The following LRRC28 variants were observed in gnomAD, a reference collection of about 807,000 sequenced individuals.
LRRC28 encodes the protein leucine rich repeat containing 28, also known as leucine-rich repeat-containing protein 28.
Under a neutral mutation model 45.7 loss-of-function variants are expected in LRRC28, and 39 were observed. The observed-to-expected ratio is 0.85, with a 90% CI of 0.66 to 1.12. The LOEUF (loss-of-function observed/expected upper bound fraction) is 1.12. Ranked by LOEUF, LRRC28 falls within the 50% of genes most tolerant of loss-of-function variation. LRRC28 has a pLI of 0.00. For synonymous variants in LRRC28, 206 were observed against 178.8 expected (o/e 1.15, Z -1.22); for missense variants, 435 against 438.5 (o/e 0.99, Z 0.07).
chr15:99,293,568 G>A (rs1189613604), intron 5 of LRRC28, among the ~76,000 whole-genome samples: 1 of 86,884 alleles, frequency 1.2e-5, no homozygotes, highest in Admixed American at 1.8e-4. Flanking sequence ...ATTCCGGCCT[G>A]GGCAACAAGA....
chr15:99,341,692 T>G (rs1236830535), intron 6 of LRRC28, among the ~76,000 whole-genome samples: 1 of 152,216 alleles, frequency 6.6e-6, no homozygotes, highest in Non-Finnish European at 1.5e-5. Flanking sequence ...AAAAGAAATG[T>G]TCATTCTTAG....
At chr15:99,354,838 G>A (rs572557418) in intron 7 of LRRC28, among the ~76,000 whole-genome samples, 1 of 152,268 alleles carries the variant, frequency 6.6e-6, no homozygotes, top group South Asian at 2.1e-4. Context: ...TGTAGGCTTG[G>A]GATATAAGAA....
intron 2 of LRRC28, chr15:99,258,881 C>T (rs1244966974): frequency 8.5e-6 from 6 of 708,818 alleles, no homozygotes; most frequent in Non-Finnish European, 2.7e-6. Context: ...AGATGACTTC[C>T]GTGATACGAT....
At chr15:99,269,906 A>G (rs540597537) in intron 2 of LRRC28, among the ~76,000 whole-genome samples, 1 of 152,316 alleles carries the variant, frequency 6.6e-6, no homozygotes, top group African/African-American at 2.4e-5. Flanking sequence ...AATGGTAACT[A>G]GGACCCTGAA....
Position 99,387,430 on chromosome 15 carries a change from C to G in LRRC28, c.*1328C>G, listed in dbSNP as rs1283869006. On this transcript the variant is annotated 3_prime_UTR_variant, in exon 10 of 10. Transcript: ENST00000301981. ...ATTTACTTCGTCACCTGGTGCACCA[C>G]ACTGTCTTCATGTTGGCCCTCGTTT... 1 of 152,232 alleles carries G rather than the reference C, an allele frequency of 6.6e-6. No individual in the cohort carries two copies. Among genetic ancestry groups the G allele is most frequent in the East Asian group, 1.9e-4 (1 of 5,194 alleles). 9.4% of individuals were successfully genotyped at this position (152,232 alleles called of 1,614,324 possible).
intron 1 of LRRC28, among the ~76,000 whole-genome samples, chr15:99,254,226 C>G (rs752412400): frequency 6.6e-6 from 1 of 152,156 alleles, no homozygotes; most frequent in Non-Finnish European, 1.5e-5. Context: ...TAATATATCT[C>G]ATAAAATAGG....
At chr15:99,351,023 C>G (rs1422088959) in intron 6 of LRRC28, among the ~76,000 whole-genome samples, 3 of 152,164 alleles carry the variant, frequency 2.0e-5, no homozygotes, top group African/African-American at 7.2e-5. Context: ...TGGTCTTGAA[C>G]TCGTGGGCTC....
chr15:99,378,641 G>C (rs528284027), intron 9 of LRRC28, among the ~76,000 whole-genome samples: 2,991 of 152,228 alleles, frequency 0.02, 96 homozygotes, highest in African/African-American at 0.068. Flanking sequence ...AATGCTTCCA[G>C]TTTTTGCCCA....
intron 5 of LRRC28, among the ~76,000 whole-genome samples, chr15:99,289,527 A>G (rs750894684): frequency 2.0e-5 from 3 of 152,254 alleles, no homozygotes; most frequent in East Asian, 1.9e-4. Context: ...GAAAAAATCT[A>G]TGGTATTTCT....
chr15:99,269,668 G>C (rs147442041), intron 2 of LRRC28, among the ~76,000 whole-genome samples: 4 of 152,154 alleles, frequency 2.6e-5, no homozygotes, highest in Non-Finnish European at 4.4e-5. Flanking sequence ...CTCCCAAAGT[G>C]TTAGGATTAC....
Position 99,274,606 on chromosome 15 carries a change from GAC to G in LRRC28, c.169-1966_169-1965del, listed in dbSNP as rs571588514. The stretch of plus-strand genomic sequence containing the variant: ...AATTTTAATTTTTTCAATTATAAAA[GAC>G]ACATGCTTATTTTTAAAAATTCAAG... On this transcript the variant is annotated intron_variant, in intron 2 of 9. Transcript: ENST00000301981. 1.9e-3 allele frequency among the ~76,000 whole-genome samples: 289 copies of G among 152,214 alleles called. 2 individuals carry two copies. Among genetic ancestry groups the G allele is most frequent in the African/African-American group, 6.0e-3 (249 of 41,522 alleles).
At chr15:99,342,488 A>G (rs1403671603) in intron 6 of LRRC28, among the ~76,000 whole-genome samples, 1 of 152,250 alleles carries the variant, frequency 6.6e-6, no homozygotes, top group African/African-American at 2.4e-5. Flanking sequence ...ATTAGCACCT[A>G]CTTCATAGCA....
chr15:99,385,273 G>A (rs1957948396), intron 9 of LRRC28, among the ~76,000 whole-genome samples: 1 of 152,224 alleles, frequency 6.6e-6, no homozygotes, highest in Non-Finnish European at 1.5e-5. Context: ...GTCTACAGAG[G>A]TCCCCTTCCT....
At chr15:99,325,759 C>T (rs1240456803) in intron 5 of LRRC28, among the ~76,000 whole-genome samples, 1 of 152,086 alleles carries the variant, frequency 6.6e-6, no homozygotes, top group Non-Finnish European at 1.5e-5. Flanking sequence ...GCATCAGACC[C>T]ACTTGTGGGG....
intron 9 of LRRC28, among the ~76,000 whole-genome samples, chr15:99,382,110 C>T (rs1182435028): frequency 1.3e-5 from 2 of 152,244 alleles, no homozygotes; most frequent in East Asian, 1.9e-4. Context: ...TTTTGTTTGG[C>T]TATGCCCTGC....
intron 1 of LRRC28, chr15:99,251,929 T>C (rs1212955565): frequency 6.6e-6 from 1 of 152,256 alleles, no homozygotes; most frequent in Admixed American, 6.5e-5. Context: ...TATAGTTCTC[T>C]AATCTCCAGC....
intron 2 of LRRC28, among the ~76,000 whole-genome samples, chr15:99,266,887 TAAAC>T (rs1746396948): frequency 1.3e-5 from 2 of 152,082 alleles, no homozygotes; most frequent in African/African-American, 4.8e-5. Flanking sequence ...TATAGACAAA[TAAAC>T]TAAGTCATAA....
intron 8 of LRRC28, 73 bp from the exon 9 acceptor site, chr15:99,363,033 A>G: frequency 6.7e-7 from 1 of 1,483,828 alleles, no homozygotes; most frequent in South Asian, 1.3e-5. Flanking sequence ...TTTGGTAACA[A>G]ATATTTTAAG....
chr15:99,253,003 C>T (rs2080894988), intron 1 of LRRC28, among the ~76,000 whole-genome samples: 1 of 151,984 alleles, frequency 6.6e-6, no homozygotes, highest in African/African-American at 2.4e-5. Flanking sequence ...GCTTTATTGA[C>T]AATAGACAGA....
Sources: allele counts gnomAD v4.1 joint callset (sites outside exome capture counted in the v4.1 genomes callset), GRCh38; gene constraint gnomAD v4.1.1; transcripts MANE v1.5; gene names NCBI Gene and HGNC (gene_info 2026-07-23, HGNC 2026-07-21).